Variants in ERBB4 observed in about 807,000 individuals in gnomAD.
ERBB4 encodes the protein receptor tyrosine-protein kinase erbB-4.
In ERBB4, 42 loss-of-function variants were observed where a neutral mutation model predicts 158.0. The ratio of observed to expected loss-of-function variants is 0.27; its 90% CI spans 0.21 to 0.34. The LOEUF is 0.34. Among genes scored for constraint, ERBB4 ranks in the 10% least tolerant of loss-of-function variants. The pLI is 1.00. For missense variants in ERBB4, 1,333 were observed against 1,624.1 expected (o/e 0.82, Z 3.08); for synonymous variants, 583 against 558.7 (o/e 1.04, Z -0.61).
intron 1 of ERBB4, among the ~76,000 whole-genome samples, chr2:212,286,854 G>A (rs553123999): frequency 8.1e-5 from 11 of 136,016 alleles, no homozygotes; most frequent in Non-Finnish European, 1.7e-4. Flanking sequence ...CAAGCGATCC[G>A]CCAGCCTCTG....
intron 25 of ERBB4, among the ~76,000 whole-genome samples, chr2:211,394,656 C>T (rs995184966): frequency 5.9e-5 from 9 of 152,148 alleles, no homozygotes; most frequent in African/African-American, 2.2e-4. Context: ...AATCATCAAG[C>T]CTTTTCGATG....
At chr2:212,136,030 A>G (rs1346007276) in intron 1 of ERBB4, among the ~76,000 whole-genome samples, 1 of 152,170 alleles carries the variant, frequency 6.6e-6, no homozygotes, top group African/African-American at 2.4e-5. Flanking sequence ...CTAGATTATC[A>G]TGCCTTCAAC....
chr2:212,393,510 C>G (rs890701119), intron 1 of ERBB4, among the ~76,000 whole-genome samples: 1 of 152,032 alleles, frequency 6.6e-6, no homozygotes, highest in East Asian at 1.9e-4. Context: ...TGGCTACACA[C>G]AATCAGACAC....
chr2:211,947,193 G>A (rs2080724129), intron 3 of ERBB4, among the ~76,000 whole-genome samples: 1 of 152,076 alleles, frequency 6.6e-6, no homozygotes, highest in South Asian at 2.1e-4. Context: ...CATTTCCAGA[G>A]TTTACTCCTG....
chr2:212,524,796 G>C (rs532908244), intron 1 of ERBB4, among the ~76,000 whole-genome samples: 4 of 151,936 alleles, frequency 2.6e-5, no homozygotes, highest in Non-Finnish European at 5.9e-5. Flanking sequence ...AAGTTACTGT[G>C]ACACTATTCA....
chr2:211,668,483 A>G (rs16846701), intron 14 of ERBB4, among the ~76,000 whole-genome samples: 1,972 of 152,268 alleles, frequency 0.013, 30 homozygotes, highest in South Asian at 0.055. Flanking sequence ...ATAATAGAAA[A>G]TGAAGGTCAA....
In ERBB4 at chr2:212,215,656, T is replaced by A. The variant is rs114479445; in HGVS notation, c.83-90753A>T. ...GGAAAACAAGCTTTAGAAATATTAC[T>A]TATTATCAAGCTGTGAAGTCACTAA... is the stretch of plus-strand genomic sequence containing the variant. On this transcript the variant is annotated intron_variant, in intron 1 of 27. Transcript: ENST00000342788. 8.8e-3 allele frequency among the ~76,000 whole-genome samples: 1,339 copies of A among 151,472 alleles called. 22 individuals are homozygous for A. The highest frequency in any genetic ancestry group is 0.031 in the African/African-American group (1,288 of 41,466).
intron 1 of ERBB4, among the ~76,000 whole-genome samples, chr2:212,441,662 C>T (rs1439676450): frequency 2.0e-5 from 3 of 151,824 alleles, no homozygotes; most frequent in African/African-American, 7.3e-5. Context: ...TAAATAGGGG[C>T]TCTGCTTTTA....
intron 4 of ERBB4, among the ~76,000 whole-genome samples, chr2:211,767,297 C>T (rs1366181515): frequency 1.3e-5 from 2 of 152,046 alleles, no homozygotes; most frequent in Non-Finnish European, 2.9e-5. Context: ...GAGAGTAATA[C>T]TGAATAGAGT....
chr2:212,349,808 A>G (rs1198494294), intron 1 of ERBB4, among the ~76,000 whole-genome samples: 2 of 152,116 alleles, frequency 1.3e-5, no homozygotes, highest in African/African-American at 4.8e-5. Flanking sequence ...CCAAAACTAT[A>G]TCTTATAGTT....
rs1276914354 is a variant in ERBB4 at position 211,452,012 on chromosome 2, ATC to A, written c.2488-20914_2488-20913del. ...CACTGCGAGTAGAAATTTTAGAAAA[ATC>A]TCTTTTTCATTTGTAATTATTTTGA... On this transcript the variant is annotated intron_variant, in intron 20 of 27. Coordinates refer to ENST00000342788, the MANE Select transcript of ERBB4 (RefSeq NM_005235.3). Among the ~76,000 whole-genome samples the A allele has an allele frequency of 2.0e-5, 3 of 147,194 alleles. No individual in the cohort carries two copies. In the Admixed American group the frequency reaches 2.0e-4, roughly 10 times the overall value.
chr2:212,276,339 T>G (rs376520318), intron 1 of ERBB4, among the ~76,000 whole-genome samples: 1 of 151,952 alleles, frequency 6.6e-6, no homozygotes, highest in East Asian at 1.9e-4. Context: ...GAGAGCAGAA[T>G]CTAAACAAAC....
chr2:211,801,128 T>C (rs2076489671), intron 3 of ERBB4, among the ~76,000 whole-genome samples: 1 of 152,074 alleles, frequency 6.6e-6, no homozygotes, highest in African/African-American at 2.4e-5. Flanking sequence ...GTAATTCACA[T>C]AAAGAAAGCA....
intron 1 of ERBB4, among the ~76,000 whole-genome samples, chr2:212,201,498 T>C (rs2082585948): frequency 6.6e-6 from 1 of 152,162 alleles, no homozygotes; most frequent in African/African-American, 2.4e-5. Context: ...CTTTAATCGA[T>C]AAATATTTTC....
intron 1 of ERBB4, among the ~76,000 whole-genome samples, chr2:212,273,194 G>T (rs367942479): frequency 2.3e-4 from 35 of 151,636 alleles, no homozygotes; most frequent in African/African-American, 7.7e-4. Context: ...AGTAACATGA[G>T]AACATTTTTC....
At chr2:212,430,802 A>G (rs1001851349) in intron 1 of ERBB4, among the ~76,000 whole-genome samples, 3 of 152,098 alleles carry the variant, frequency 2.0e-5, no homozygotes, top group African/African-American at 7.2e-5. Context: ...CATGTTGAGA[A>G]AGCAAGAGGA....
At chr2:212,288,562 C>T (rs2086088492) in intron 1 of ERBB4, among the ~76,000 whole-genome samples, 1 of 152,052 alleles carries the variant, frequency 6.6e-6, no homozygotes. Flanking sequence ...AGCATAGTAA[C>T]CTGGAATTCA....
chr2:211,977,180 G>A (rs2081632938), intron 2 of ERBB4, among the ~76,000 whole-genome samples: 1 of 152,100 alleles, frequency 6.6e-6, no homozygotes. Context: ...TGACACAGGA[G>A]GCAACTTTTC....
intron 3 of ERBB4, among the ~76,000 whole-genome samples, chr2:211,913,615 A>ATGTGTGTGTGTG (rs572744537): frequency 9.7e-6 from 1 of 102,744 alleles, no homozygotes; most frequent in African/African-American, 4.0e-5. Flanking sequence ...AAATATATAT[A>ATGTGTGTGTGTG]TATATGTGTG....
Sources: allele counts gnomAD v4.1 joint callset (sites outside exome capture counted in the v4.1 genomes callset), GRCh38; gene constraint gnomAD v4.1.1; transcripts MANE v1.5; gene names NCBI Gene and HGNC (gene_info 2026-07-23, HGNC 2026-07-21).